Variants in TMEM114 observed in about 807,000 individuals in gnomAD.
The protein encoded by TMEM114 is transmembrane protein 114.
A neutral mutation model predicts 6.2 loss-of-function variants in TMEM114; 6 were observed. The observed-to-expected ratio is 0.97, with a 90% CI of 0.53 to 1.91. The LOEUF is 1.91. TMEM114 is among the 40% of genes most tolerant of loss of function. The probability of loss-of-function intolerance (pLI) is 0.01; values close to 1 mark genes in which losing one functional copy is unlikely to be tolerated. For missense variants in TMEM114, 218 were observed against 158.3 expected, an observed-to-expected ratio of 1.38 and a Z score of -2.02; for synonymous variants, 104 against 73.0, an observed-to-expected ratio of 1.42 and a Z score of -2.16.
intron 2 of TMEM114, among the ~76,000 whole-genome samples, chr16:8,550,407 G>A (rs1344565793): frequency 3.3e-5 from 5 of 152,184 alleles, no homozygotes; most frequent in Non-Finnish European, 7.4e-5. Context: ...CTGGCCGGGT[G>A]CGGTGGCTCA....
At chr16:8,572,314 C>G (rs562177598) in intron 2 of TMEM114, 90 bp from the exon 3 acceptor site, 3 of 1,455,178 alleles carry the variant, frequency 2.1e-6, no homozygotes, top group Admixed American at 4.0e-5. Flanking sequence ...CCTACTAGAG[C>G]TGGGGAAAAT....
chr16:8,573,509 T>A (rs1314513109), intron 2 of TMEM114, among the ~76,000 whole-genome samples: 1 of 152,072 alleles, frequency 6.6e-6, no homozygotes, highest in East Asian at 1.9e-4. Context: ...TCAGGGTCTA[T>A]ACCTCTGTCA....
chr16:8,582,814 G>A (rs1902196905), intron 2 of TMEM114, among the ~76,000 whole-genome samples: 1 of 152,080 alleles, frequency 6.6e-6, no homozygotes, highest in African/African-American at 2.4e-5. Flanking sequence ...CAGGAGAATT[G>A]CTTGAACCCA....
At chr16:8,529,206 G>T in the TMEM114 span, among the ~76,000 whole-genome samples, 1 of 152,152 alleles carries the variant, frequency 6.6e-6, no homozygotes, top group Non-Finnish European at 1.5e-5. Context: ...TTGGATGAAG[G>T]TTATTTCTCT....
chr16:8,544,329 G>A (rs759100626), intron 2 of TMEM114, among the ~76,000 whole-genome samples: 1 of 152,170 alleles, frequency 6.6e-6, no homozygotes, highest in Non-Finnish European at 1.5e-5. Context: ...AGCATTAACT[G>A]AGCCAGGCAT....
chr16:8,542,583 T>C (rs1900547627), intron 2 of TMEM114, among the ~76,000 whole-genome samples: 2 of 152,192 alleles, frequency 1.3e-5, no homozygotes, highest in Admixed American at 1.3e-4. Context: ...GCAAATTCCT[T>C]GGCTTTATAA....
At chr16:8,568,299 C>G (rs1049550497), downstream of TMEM114, among the ~76,000 whole-genome samples, 24 of 152,166 alleles carry the variant, frequency 1.6e-4, no homozygotes, top group African/African-American at 5.5e-4. Flanking sequence ...CTGGTGTGTA[C>G]TGGCCTTCCT....
At chr16:8,586,693 A>T (rs981450645) in intron 2 of TMEM114, among the ~76,000 whole-genome samples, 3 of 152,056 alleles carry the variant, frequency 2.0e-5, no homozygotes, top group African/African-American at 7.2e-5. Flanking sequence ...TATTTTTAGT[A>T]GAGATGGGGT....
chr16:8,567,205 G>C (rs745995050), downstream of TMEM114, among the ~76,000 whole-genome samples: 1 of 151,932 alleles, frequency 6.6e-6, no homozygotes, highest in African/African-American at 2.4e-5. Context: ...CATGGCGCCC[G>C]GCCTCATCAC....
At chr16:8,568,763 G>A (rs949679688), downstream of TMEM114, among the ~76,000 whole-genome samples, 2 of 152,196 alleles carry the variant, frequency 1.3e-5, no homozygotes, top group African/African-American at 2.4e-5. Flanking sequence ...ATGGTTTTGG[G>A]TTAGAATAGG....
chr16:8,562,355 AATTAG>A, intron 2 of TMEM114, among the ~76,000 whole-genome samples: 10 of 149,664 alleles, frequency 6.7e-5, no homozygotes, highest in African/African-American at 2.5e-4. Flanking sequence ...TGAGTGAGTG[AATTAG>A]TGAGTGAATG....
chr16:8,540,584 A>T (rs1900487961), intron 2 of TMEM114, among the ~76,000 whole-genome samples: 1 of 147,306 alleles, frequency 6.8e-6, no homozygotes, highest in Non-Finnish European at 1.5e-5. Flanking sequence ...AGACAGGGAG[A>T]CTTGGGAGTT....
chr16:8,535,042 A>T (rs534037235), downstream of TMEM114, among the ~76,000 whole-genome samples: 1 of 152,172 alleles, frequency 6.6e-6, no homozygotes, highest in South Asian at 2.1e-4. Flanking sequence ...GCTGGTGCTG[A>T]GATGCTATGG....
chr16:8,567,045 C>A (rs1271628352), downstream of TMEM114, among the ~76,000 whole-genome samples: 2 of 148,908 alleles, frequency 1.3e-5, no homozygotes, highest in African/African-American at 2.5e-5. Flanking sequence ...GGATTACAGG[C>A]GCGTGTTACC....
intron 2 of TMEM114, among the ~76,000 whole-genome samples, chr16:8,549,778 C>G (rs900063474): frequency 6.6e-6 from 1 of 152,056 alleles, no homozygotes; most frequent in African/African-American, 2.4e-5. Flanking sequence ...GAACTTCTAC[C>G]TGTATTAGTC....
chr16:8,533,939 C>T (rs1900284551), downstream of TMEM114, among the ~76,000 whole-genome samples: 1 of 152,128 alleles, frequency 6.6e-6, no homozygotes, highest in Non-Finnish European at 1.5e-5. Flanking sequence ...CAGTGTGACT[C>T]CTGCTGCTGT....
downstream of TMEM114, among the ~76,000 whole-genome samples, chr16:8,536,040 A>G (rs1457539880): frequency 6.6e-6 from 1 of 152,136 alleles, no homozygotes; most frequent in Non-Finnish European, 1.5e-5. Context: ...AGCCTGTCCA[A>G]CGTTGTGAAA....
intron 2 of TMEM114, among the ~76,000 whole-genome samples, chr16:8,580,977 C>T (rs568093986): frequency 6.6e-6 from 1 of 152,306 alleles, no homozygotes; most frequent in South Asian, 2.1e-4. Context: ...CAGGCGTGAG[C>T]CACCATGCCC....
downstream of TMEM114, among the ~76,000 whole-genome samples, chr16:8,532,873 G>C (rs1007378841): frequency 6.6e-6 from 1 of 152,110 alleles, no homozygotes; most frequent in African/African-American, 2.4e-5. Context: ...GCAGTGAGCC[G>C]AGATCACGCC....
Sources: allele counts gnomAD v4.1 joint callset (sites outside exome capture counted in the v4.1 genomes callset), GRCh38; gene constraint gnomAD v4.1.1; transcripts MANE v1.5; gene names NCBI Gene and HGNC (gene_info 2026-07-23, HGNC 2026-07-21).